The following ATXN10 variants were observed in gnomAD, a reference collection of about 807,000 sequenced individuals.
ATXN10 encodes the protein ataxin 10, also known as ataxin-10.
ATXN10 carries 28 observed loss-of-function variants against 52.9 expected under a neutral mutation model. The ratio of observed to expected loss-of-function variants is 0.53; its 90% CI spans 0.39 to 0.73. ATXN10 has a LOEUF of 0.73. Among genes scored for constraint, ATXN10 ranks in the 30% least tolerant of loss-of-function variants. ATXN10 has a pLI of 0.00. For synonymous variants in ATXN10, 226 were observed against 221.5 expected, an observed-to-expected ratio of 1.02 and a Z score of -0.18; for missense variants, 565 against 577.0, an observed-to-expected ratio of 0.98 and a Z score of 0.21.
At chr22:45,692,106 C>T (rs1259081916) in intron 2 of ATXN10, among the ~76,000 whole-genome samples, 1 of 152,196 alleles carries the variant, frequency 6.6e-6, no homozygotes, top group Admixed American at 6.5e-5. Context: ...ACATTGTGTG[C>T]TCAGTAAACA....
Position 45,672,159 on chromosome 22 carries a change from C to T in ATXN10, c.96C>T (p.Leu32=), listed in dbSNP as rs1185569919. The T allele has an allele frequency of 1.3e-6, 2 of 1,538,362 alleles. No individual in the cohort carries two copies. Among genetic ancestry groups the T allele is most frequent in the African/African-American group, 1.4e-5 (1 of 72,576 alleles). ...DLEALRALTA[L]FKEQRNRETA... ...AGGCCCTGCGCGCGCTCACGGCGCT[C>T]TTCAAAGAGCAGCGGAACCGGTAAC... Residue 32 remains leucine (L), a synonymous_variant, in exon 1 of 12, where the codon CTC becomes CTT. Coordinates refer to ENST00000252934, the MANE Select transcript of ATXN10 (RefSeq NM_013236.4).
At position 45,708,292 on chromosome 22, in the gene ATXN10, T is replaced by A. The variant is rs1924116560; in HGVS notation, c.647+5445T>A. Reference sequence around the variant, plus strand: ...AGTAAATGTGCACTGGTAGGTTAGGTCAGTCAGTGCAGAATTACACAGTAG... The same window carrying A: ...AGTAAATGTGCACTGGTAGGTTAGGACAGTCAGTGCAGAATTACACAGTAG... On this transcript the variant is annotated intron_variant, in intron 5 of 11. Coordinates refer to ENST00000252934, the MANE Select transcript of ATXN10 (RefSeq NM_013236.4). This position sits in a 1 kb window ranked among gnomAD's most constrained non-coding sequence, Gnocchi z 5.3. Among the ~76,000 whole-genome samples, 1 of 152,172 alleles carries A rather than the reference T, an allele frequency of 6.6e-6. No individual in the cohort carries two copies. The highest frequency in any genetic ancestry group is 1.5e-5 in the Non-Finnish European group (1 of 68,028).
intron 9 of ATXN10, among the ~76,000 whole-genome samples, chr22:45,761,629 G>A (rs2146830052): frequency 6.6e-6 from 1 of 152,266 alleles, no homozygotes; most frequent in East Asian, 1.9e-4. Context: ...CCAGTGACTG[G>A]AACATTTTAT....
Position 45,750,773 on chromosome 22 carries a change from C to T in ATXN10, c.1173+10235C>T, listed in dbSNP as rs1046505893. Among the ~76,000 whole-genome samples the T allele has an allele frequency of 5.9e-5, 9 of 152,176 alleles. No homozygotes were observed. Among genetic ancestry groups the T allele is most frequent in the Non-Finnish European group, 1.2e-4 (8 of 67,990 alleles). ...CCAAACAGACCCAGGAGAAGTTATA[C>T]GAATTTACCATGTGATAAGGATAAT... On this transcript the variant is annotated intron_variant, in intron 9 of 11. Transcript: ENST00000252934. The surrounding 1 kb of genome is among the most constrained non-coding windows in gnomAD (Gnocchi z 4.2).
rs1334175122 is a variant in ATXN10 at position 45,784,672 on chromosome 22, C to G, written c.1174-22287C>G. Among the ~76,000 whole-genome samples the G allele has an allele frequency of 2.0e-5, 3 of 152,152 alleles. No homozygotes were observed. The highest frequency in any genetic ancestry group is 1.3e-4 in the Admixed American group (2 of 15,286). On this transcript the variant is annotated intron_variant, in intron 9 of 11. Coordinates refer to ENST00000252934, the MANE Select transcript of ATXN10 (RefSeq NM_013236.4). The surrounding 1 kb of genome is among the most constrained non-coding windows in gnomAD (Gnocchi z 4.2). ...TGCCCAGAGGACACACAGCTTAGAG[C>G]AGGGCCCAAATTGACCTCATGGCTA...
At chr22:45,714,451 G>C (rs1924369588) in intron 5 of ATXN10, among the ~76,000 whole-genome samples, 1 of 152,038 alleles carries the variant, frequency 6.6e-6, no homozygotes, top group Non-Finnish European at 1.5e-5. Context: ...TGCAATCATG[G>C]CTCACTGCAG....
At position 45,790,871 on chromosome 22, in the gene ATXN10, G is replaced by A. The variant is rs1178537227; in HGVS notation, c.1174-16088G>A. ...TTTATTGTTTATTTTTCAAGACAGA[G>A]CCTCTCTCTCCCTCTCTCTGTCGCC... On this transcript the variant is annotated intron_variant, in intron 9 of 11. Coordinates refer to ENST00000252934, the MANE Select transcript of ATXN10 (RefSeq NM_013236.4). The surrounding 1 kb of genome is among the most constrained non-coding windows in gnomAD (Gnocchi z 4.7). Among the ~76,000 whole-genome samples the A allele has an allele frequency of 6.6e-6, 1 of 151,990 alleles. No individual in the cohort carries two copies. The highest frequency in any genetic ancestry group is 6.6e-5 in the Admixed American group (1 of 15,246).
intron 9 of ATXN10, among the ~76,000 whole-genome samples, chr22:45,761,943 A>G (rs1297474219): frequency 6.6e-6 from 1 of 152,216 alleles, no homozygotes; most frequent in Non-Finnish European, 1.5e-5. Flanking sequence ...ACTGGGATGA[A>G]GTAGTTGTGG....
In ATXN10 at chr22:45,757,472, G is replaced by A. The variant is rs1004946623; in HGVS notation, c.1173+16934G>A. Among the ~76,000 whole-genome samples the A allele has an allele frequency of 1.3e-5, 2 of 152,132 alleles. No homozygotes were observed. Among genetic ancestry groups the A allele is most frequent in the Non-Finnish European group, 2.9e-5 (2 of 68,010 alleles). On this transcript the variant is annotated intron_variant, in intron 9 of 11. Transcript: ENST00000252934. This position sits in a 1 kb window ranked among gnomAD's most constrained non-coding sequence, Gnocchi z 4.6. ...CAGGATTTCGCTGCTCCCCGTTCAAGGCCTCTGGAGAATGTTCCAAAGGGA... is the reference window on the plus strand; with the variant it reads ...CAGGATTTCGCTGCTCCCCGTTCAAAGCCTCTGGAGAATGTTCCAAAGGGA...
Position 45,751,147 on chromosome 22 carries a change from T to C in ATXN10, c.1173+10609T>C, listed in dbSNP as rs376296355. On this transcript the variant is annotated intron_variant, in intron 9 of 11. Transcript: ENST00000252934. ...GGTTTCACCATGTTGCCCAGGCTGG[T>C]CTTGAATTCCTGACCTCAAGTGATC... is the stretch of plus-strand genomic sequence containing the variant. 2.2e-3 allele frequency among the ~76,000 whole-genome samples: 336 copies of C among 152,252 alleles called. 4 individuals carry two copies. Among genetic ancestry groups the C allele is most frequent in the African/African-American group, 7.4e-3 (309 of 41,540 alleles).
chr22:45,782,506 AG>A (rs1386792924), intron 9 of ATXN10, among the ~76,000 whole-genome samples: 1 of 152,226 alleles, frequency 6.6e-6, no homozygotes, highest in Non-Finnish European at 1.5e-5. Flanking sequence ...GAGGTGCAGC[AG>A]CTGGGCACAA....
At position 45,835,670 on chromosome 22, in the gene ATXN10, T is replaced by C. The variant is rs112602489; in HGVS notation, c.1238-7321T>C. ...CTTCCCTTACGGCCTAGAAGCCGAT[T>C]AGCAGCCTCAGCTTTCAGTGCAGGG... On this transcript the variant is annotated intron_variant, in intron 10 of 11. Coordinates refer to ENST00000252934, the MANE Select transcript of ATXN10 (RefSeq NM_013236.4). This position sits in a 1 kb window ranked among gnomAD's most constrained non-coding sequence, Gnocchi z 5.0. Among the ~76,000 whole-genome samples the C allele has an allele frequency of 6.6e-6, 1 of 152,244 alleles. No homozygotes were observed. Among genetic ancestry groups the C allele is most frequent in the African/African-American group, 2.4e-5 (1 of 41,466 alleles).
chr22:45,767,293 T>G (rs1303773576), intron 9 of ATXN10, among the ~76,000 whole-genome samples: 1 of 152,186 alleles, frequency 6.6e-6, no homozygotes, highest in Non-Finnish European at 1.5e-5. Context: ...TGCAGAGTGA[T>G]CTGAGTGATG....
Position 45,795,921 on chromosome 22 carries a change from G to C in ATXN10, c.1174-11038G>C, listed in dbSNP as rs1927720950. On this transcript the variant is annotated intron_variant, in intron 9 of 11. Coordinates refer to ENST00000252934, the MANE Select transcript of ATXN10 (RefSeq NM_013236.4). This position sits in a 1 kb window ranked among gnomAD's most constrained non-coding sequence, Gnocchi z 4.6. ...GTTATCTGCACAAATTGTTTGTAAA[G>C]CATGTGTGTTTGAACAATATGAAAT... Among the ~76,000 whole-genome samples the C allele has an allele frequency of 6.6e-6, 1 of 152,208 alleles. No homozygotes were observed. The highest frequency in any genetic ancestry group is 6.5e-5 in the Admixed American group (1 of 15,286).
At position 45,770,575 on chromosome 22, in the gene ATXN10, C is replaced by T. The variant is rs1926742795; in HGVS notation, c.1173+30037C>T. Among the ~76,000 whole-genome samples the T allele has an allele frequency of 6.7e-6, 1 of 150,214 alleles. No individual in the cohort carries two copies. On this transcript the variant is annotated intron_variant, in intron 9 of 11. Transcript: ENST00000252934. The surrounding 1 kb of genome is among the most constrained non-coding windows in gnomAD (Gnocchi z 4.5). Reference sequence around the variant, plus strand: ...GAGCTGGATGATAGGCAGACCTGGACTCTGGAGTCCTCCCAGAATGGACCA... The same window carrying T: ...GAGCTGGATGATAGGCAGACCTGGATTCTGGAGTCCTCCCAGAATGGACCA...
At position 45,705,458 on chromosome 22, in the gene ATXN10, G is replaced by A. The variant is rs2146758034; in HGVS notation, c.647+2611G>A. On this transcript the variant is annotated intron_variant, in intron 5 of 11. Transcript: ENST00000252934. The surrounding 1 kb of genome is among the most constrained non-coding windows in gnomAD (Gnocchi z 5.2). ...GGTCTTGGTTTTTTTTTTTGAGACG[G>A]AGTCTCACTCTGTTGCCCAGGCTGG... 6.6e-6 allele frequency among the ~76,000 whole-genome samples: 1 copy of A among 151,856 alleles called. No homozygotes were observed. Among genetic ancestry groups the A allele is most frequent in the South Asian group, 2.1e-4 (1 of 4,802 alleles).
intron 10 of ATXN10, among the ~76,000 whole-genome samples, chr22:45,812,336 G>A (rs1928308784): frequency 6.6e-6 from 1 of 152,168 alleles, no homozygotes; most frequent in African/African-American, 2.4e-5. Context: ...ATATACCATT[G>A]TCTTGCATGT....
At chr22:45,801,732 G>A (rs1191516467) in intron 9 of ATXN10, among the ~76,000 whole-genome samples, 1 of 152,206 alleles carries the variant, frequency 6.6e-6, no homozygotes, top group Non-Finnish European at 1.5e-5. Flanking sequence ...ACAGCTAGTG[G>A]TTGGTGAAGG....
intron 4 of ATXN10, 138 bp downstream of exon 4, chr22:45,700,516 G>A (rs1035436162): frequency 5.5e-6 from 4 of 722,918 alleles, no homozygotes; most frequent in Non-Finnish European, 9.7e-6. Context: ...TGGTGGGTGG[G>A]TACCAGCTGG....
Sources: allele counts gnomAD v4.1 joint callset (sites outside exome capture counted in the v4.1 genomes callset), GRCh38; gene constraint gnomAD v4.1.1; non-coding constraint Gnocchi (gnomAD v3.1); transcripts MANE v1.5; gene names NCBI Gene and HGNC (gene_info 2026-07-23, HGNC 2026-07-21).